FARS2: variants seen among roughly 807,000 people sequenced by gnomAD.
FARS2 encodes the protein phenylalanyl-tRNA synthetase 2, mitochondrial.
Under a neutral mutation model 46.4 loss-of-function variants are expected in FARS2, and 40 were observed. The observed-to-expected ratio is 0.86, with a 90% CI of 0.67 to 1.12. FARS2 has a LOEUF of 1.12. Ranked by LOEUF, FARS2 falls within the 50% of genes most tolerant of loss-of-function variation. The pLI, the probability that FARS2 is intolerant of heterozygous loss-of-function variation, is 0.00. For synonymous variants in FARS2, 234 were observed against 214.9 expected (o/e 1.09, Z -0.78); for missense variants, 513 against 567.9 (o/e 0.90, Z 0.98).
At chr6:5,523,289 T>A (rs1561683181) in intron 4 of FARS2, among the ~76,000 whole-genome samples, 1 of 151,964 alleles carries the variant, frequency 6.6e-6, no homozygotes, top group Non-Finnish European at 1.5e-5. Flanking sequence ...AAGCTTGAGG[T>A]ATGGTGGTGG....
intron 1 of FARS2, among the ~76,000 whole-genome samples, chr6:5,303,506 T>C (rs958504786): frequency 1.4e-4 from 22 of 152,052 alleles, no homozygotes; most frequent in African/African-American, 5.3e-4. Context: ...TCTTCATCCT[T>C]GTGTCAGCTC....
intron 1 of FARS2, among the ~76,000 whole-genome samples, chr6:5,285,502 G>A (rs1027317596): frequency 8.5e-5 from 13 of 152,182 alleles, no homozygotes; most frequent in African/African-American, 3.1e-4. Context: ...TGAGAGACTC[G>A]TAAAGCGTGT....
At chr6:5,255,630 T>C in the FARS2 span, among the ~76,000 whole-genome samples, 1 of 152,214 alleles carries the variant, frequency 6.6e-6, no homozygotes, top group Non-Finnish European at 1.5e-5. Flanking sequence ...CTTTGTCTTC[T>C]TGGCTCTTCT....
chr6:5,601,169 G>T (rs1582551650), intron 5 of FARS2, among the ~76,000 whole-genome samples: 1 of 152,138 alleles, frequency 6.6e-6, no homozygotes, highest in African/African-American at 2.4e-5. Flanking sequence ...TCAAGCCACC[G>T]AGTCTGTGGT....
In FARS2 at chr6:5,365,489, C is replaced by T. The variant is rs1344602864; in HGVS notation, c.-21-3061C>T. Among the ~76,000 whole-genome samples, 3 of 149,086 alleles carry T rather than the reference C, an allele frequency of 2.0e-5. No individual in the cohort carries two copies. In the East Asian group the frequency reaches 5.8e-4, roughly 29 times the overall value. ...GGACTGCAGGTGTGTGCCACCATAC[C>T]CGGCTAATTTATTAAATAAAATTTT... On this transcript the variant is annotated intron_variant, in intron 1 of 6. Transcript: ENST00000274680.
chr6:5,717,327 G>A (rs1031026548), intron 6 of FARS2, among the ~76,000 whole-genome samples: 19 of 150,506 alleles, frequency 1.3e-4, no homozygotes, highest in Admixed American at 4.6e-4. Flanking sequence ...GCCAGGAACC[G>A]TGGATAGAAA....
intron 6 of FARS2, among the ~76,000 whole-genome samples, chr6:5,763,909 G>A (rs540589328): frequency 2.0e-5 from 3 of 151,620 alleles, no homozygotes; most frequent in Non-Finnish European, 4.4e-5. Flanking sequence ...TAATGCATCC[G>A]TGCTCCAGGG....
chr6:5,570,719 A>G (rs1772590858), intron 5 of FARS2, among the ~76,000 whole-genome samples: 1 of 152,204 alleles, frequency 6.6e-6, no homozygotes, highest in Admixed American at 6.5e-5. Context: ...CCACAACATG[A>G]TTGCTGACGG....
At chr6:5,297,372 G>A (rs1358206463) in intron 1 of FARS2, among the ~76,000 whole-genome samples, 1 of 152,184 alleles carries the variant, frequency 6.6e-6, no homozygotes, top group Non-Finnish European at 1.5e-5. Context: ...TTTTGGCCTG[G>A]CGCAGTGGCT....
At chr6:5,704,419 G>C (rs1189772208) in intron 6 of FARS2, among the ~76,000 whole-genome samples, 1 of 152,164 alleles carries the variant, frequency 6.6e-6, no homozygotes, top group East Asian at 1.9e-4. Flanking sequence ...CATGAATTTG[G>C]AGGGAACATA....
intron 1 of FARS2, among the ~76,000 whole-genome samples, chr6:5,334,838 A>C (rs556803200): frequency 5.3e-5 from 8 of 152,224 alleles, no homozygotes; most frequent in Non-Finnish European, 1.0e-4. Flanking sequence ...CAAAAATATT[A>C]TCTCTCCAGG....
chr6:5,682,625 T>C (rs1779091069), intron 6 of FARS2, among the ~76,000 whole-genome samples: 1 of 152,234 alleles, frequency 6.6e-6, no homozygotes, highest in East Asian at 1.9e-4. Flanking sequence ...GCCTTGCATG[T>C]CATTCTTTTA....
intron 2 of FARS2, among the ~76,000 whole-genome samples, chr6:5,378,440 C>T (rs1759529473): frequency 6.6e-6 from 1 of 152,206 alleles, no homozygotes; most frequent in African/African-American, 2.4e-5. Context: ...ACTTTTGCTG[C>T]CTTTGATATT....
intron 4 of FARS2, among the ~76,000 whole-genome samples, chr6:5,532,327 T>G (rs1260993740): frequency 3.9e-5 from 6 of 152,248 alleles, no homozygotes; most frequent in Admixed American, 6.5e-5. Context: ...AATGTTTATG[T>G]GATCTTGCTC....
chr6:5,654,770 C>A (rs905824806), intron 6 of FARS2, among the ~76,000 whole-genome samples: 1 of 152,078 alleles, frequency 6.6e-6, no homozygotes, highest in Admixed American at 6.5e-5. Context: ...TTGAACTTCA[C>A]CGGCCCACTT....
intron 6 of FARS2, among the ~76,000 whole-genome samples, chr6:5,762,444 C>T (rs1440565760): frequency 2.6e-5 from 4 of 152,150 alleles, no homozygotes; most frequent in East Asian, 1.9e-4. Context: ...CATATACACA[C>T]GCATGCAAGG....
intron 5 of FARS2, among the ~76,000 whole-genome samples, chr6:5,592,334 C>T (rs1053340152): frequency 2.6e-5 from 4 of 151,440 alleles, no homozygotes; most frequent in African/African-American, 7.3e-5. Flanking sequence ...TACAGTGAGC[C>T]GTGATCACGC....
At chr6:5,419,418 C>T (rs1762418521) in intron 3 of FARS2, among the ~76,000 whole-genome samples, 1 of 152,074 alleles carries the variant, frequency 6.6e-6, no homozygotes, top group Non-Finnish European at 1.5e-5. Context: ...TTAGATTTGT[C>T]CATATGTTTT....
At chr6:5,331,425 C>T (rs1219780761) in intron 1 of FARS2, among the ~76,000 whole-genome samples, 1 of 152,194 alleles carries the variant, frequency 6.6e-6, no homozygotes, top group Non-Finnish European at 1.5e-5. Flanking sequence ...CCTTGGGATT[C>T]CCTGGCCACA....
Sources: allele counts gnomAD v4.1 joint callset (sites outside exome capture counted in the v4.1 genomes callset), GRCh38; gene constraint gnomAD v4.1.1; transcripts MANE v1.5; gene names NCBI Gene and HGNC (gene_info 2026-07-23, HGNC 2026-07-21).